The following PRCP variants were observed in gnomAD, a reference collection of about 807,000 sequenced individuals.
PRCP encodes the protein prolylcarboxypeptidase, also known as lysosomal Pro-X carboxypeptidase.
A neutral mutation model predicts 54.2 loss-of-function variants in PRCP; 46 were observed. The ratio of observed to expected loss-of-function variants is 0.85; its 90% CI spans 0.67 to 1.09. PRCP has a LOEUF of 1.09. PRCP is among the 50% of genes least tolerant of loss of function. The probability of loss-of-function intolerance (pLI) is 0.00; values close to 1 mark genes in which losing one functional copy is unlikely to be tolerated. For missense variants in PRCP, 613 were observed against 596.8 expected, an observed-to-expected ratio of 1.03 and a Z score of -0.28; for synonymous variants, 240 against 212.2, an observed-to-expected ratio of 1.13 and a Z score of -1.14.
chr11:82,828,187 T>C (rs1858289668), intron 8 of PRCP: 1 of 152,222 alleles, frequency 6.6e-6, no homozygotes, highest in South Asian at 2.1e-4. Context: ...AATCATTTGA[T>C]TTGGCAAATC....
chr11:82,857,753 G>C (rs1217688455), intron 2 of PRCP, among the ~76,000 whole-genome samples: 2 of 152,194 alleles, frequency 1.3e-5, no homozygotes, highest in Non-Finnish European at 2.9e-5. Flanking sequence ...TGTAAGGATA[G>C]AGAATTTAAC....
At chr11:82,828,926 T>A (rs1858308979) in intron 8 of PRCP, 1 of 152,202 alleles carries the variant, frequency 6.6e-6, no homozygotes, top group Admixed American at 6.5e-5. Context: ...AAGTTTGATG[T>A]CACTCTTTAA....
At chr11:82,839,193 A>AT (rs1362886842) in intron 7 of PRCP, 68 bp downstream of exon 7, 466 of 1,495,254 alleles carry the variant, frequency 3.1e-4, no homozygotes, top group Admixed American at 4.0e-4. Context: ...GTGTACCCTG[A>AT]TTTTTTTTTA....
Position 82,851,869 on chromosome 11 carries a change from C to T in PRCP, c.411+1308G>A, listed in dbSNP as rs147000702. Among the ~76,000 whole-genome samples, 296 of 152,254 alleles carry T rather than the reference C, an allele frequency of 1.9e-3. 2 individuals carry two copies. Among genetic ancestry groups the T allele is most frequent in the African/African-American group, 6.9e-3 (288 of 41,550 alleles). On this transcript the variant is annotated intron_variant, in intron 3 of 8. Transcript: ENST00000313010. ...TTTCCCCCCTCTTCCAAGATGTATG[C>T]CTTCTTACCTCCTCTCTCCCTGTCT...
rs180775248 is a variant in PRCP, at chr11:82,888,083, G to A, written c.168+12152C>T. Among the ~76,000 whole-genome samples, 17 of 152,242 alleles carry A rather than the reference G, an allele frequency of 1.1e-4. No homozygotes were observed. The East Asian group carries it at 2.5e-3, about 22-fold the overall frequency. On this transcript the variant is annotated intron_variant, in intron 1 of 8. Coordinates refer to ENST00000313010, the MANE Select transcript of PRCP (RefSeq NM_005040.4). ...CATAAAACTGTGCTTAAATACACTT[G>A]TTATGCTTTTCTCTTGTTAAACTGT...
At chr11:82,893,471 T>C (rs1467162882) in intron 1 of PRCP, among the ~76,000 whole-genome samples, 2 of 152,208 alleles carry the variant, frequency 1.3e-5, no homozygotes, top group Non-Finnish European at 2.9e-5. Flanking sequence ...TATAGCTCAG[T>C]ATAATAATTT....
chr11:82,831,955 G>A (rs898707014), intron 8 of PRCP, among the ~76,000 whole-genome samples: 2 of 151,940 alleles, frequency 1.3e-5, no homozygotes, highest in Non-Finnish European at 2.9e-5. Flanking sequence ...ACTTATGAGT[G>A]AGAACATATG....
At chr11:82,874,980 A>G (rs375698692) in intron 1 of PRCP, among the ~76,000 whole-genome samples, 125 of 152,126 alleles carry the variant, frequency 8.2e-4, no homozygotes, top group Admixed American at 2.2e-3. Context: ...TTATTTATAC[A>G]TACATGTCTT....
chr11:82,891,664 C>T (rs1392633997), intron 1 of PRCP, among the ~76,000 whole-genome samples: 1 of 152,180 alleles, frequency 6.6e-6, no homozygotes, highest in African/African-American at 2.4e-5. Context: ...CACACACCTA[C>T]CTCAGGGTTT....
chr11:82,847,360 C>CTGAA (rs1423408463), intron 6 of PRCP, among the ~76,000 whole-genome samples: 3 of 152,160 alleles, frequency 2.0e-5, no homozygotes, highest in Non-Finnish European at 4.4e-5. Context: ...ACAGTGAAGA[C>CTGAA]CCAAGTTCAA....
At chr11:82,846,613 G>A (rs1436168347) in intron 6 of PRCP, among the ~76,000 whole-genome samples, 1 of 152,060 alleles carries the variant, frequency 6.6e-6, no homozygotes, top group Non-Finnish European at 1.5e-5. Flanking sequence ...GACTGTGAGG[G>A]AAAGACCTAA....
At chr11:82,866,368 G>A (rs114962030) in intron 1 of PRCP, among the ~76,000 whole-genome samples, 42 of 152,242 alleles carry the variant, frequency 2.8e-4, no homozygotes, top group African/African-American at 9.6e-4. Flanking sequence ...AAAAAGGGTG[G>A]AAGTCCTCTC....
chr11:82,861,435 C>T (rs552482956), intron 1 of PRCP, among the ~76,000 whole-genome samples: 2 of 152,238 alleles, frequency 1.3e-5, no homozygotes, highest in South Asian at 2.1e-4. Flanking sequence ...AGAATACTCG[C>T]TTGTCACAAG....
intron 6 of PRCP, among the ~76,000 whole-genome samples, chr11:82,841,040 A>T (rs1319979201): frequency 7.0e-6 from 1 of 142,422 alleles, no homozygotes; most frequent in Non-Finnish European, 1.6e-5. Context: ...CATACGGAAA[A>T]GATTATATAT....
intron 1 of PRCP, among the ~76,000 whole-genome samples, chr11:82,894,263 T>A (rs1860069394): frequency 6.6e-6 from 1 of 152,192 alleles, no homozygotes; most frequent in Admixed American, 6.5e-5. Flanking sequence ...ATAATATAAA[T>A]CAACTATGCA....
intron 6 of PRCP, among the ~76,000 whole-genome samples, chr11:82,848,334 T>C (rs1443532522): frequency 1.3e-5 from 2 of 152,266 alleles, no homozygotes; most frequent in African/African-American, 2.4e-5. Context: ...TTAAAATTTA[T>C]ACTGTAATGT....
chr11:82,855,566 C>G (rs1591052269), intron 2 of PRCP, among the ~76,000 whole-genome samples: 1 of 152,124 alleles, frequency 6.6e-6, no homozygotes, highest in Non-Finnish European at 1.5e-5. Context: ...TTGCAGCGAG[C>G]CCAGATCACG....
chr11:82,897,219 T>C (rs1811034841), intron 1 of PRCP, among the ~76,000 whole-genome samples: 1 of 152,010 alleles, frequency 6.6e-6, no homozygotes, highest in African/African-American at 2.4e-5. Flanking sequence ...TAGTCCTACC[T>C]AACTCAATAT....
chr11:82,861,479 G>A (rs1859207010), intron 1 of PRCP, among the ~76,000 whole-genome samples: 2 of 152,160 alleles, frequency 1.3e-5, no homozygotes, highest in East Asian at 3.8e-4. Flanking sequence ...GGATCAGGCT[G>A]CTATCACTTT....
Sources: gnomAD v4.1 joint callset for allele counts (sites outside exome capture counted in the v4.1 genomes callset) on GRCh38, gnomAD v4.1.1 for gene constraint, MANE v1.5 for transcripts, NCBI Gene and HGNC (gene_info 2026-07-23, HGNC 2026-07-21) for gene names.